MED9: variants seen among roughly 807,000 people sequenced by gnomAD.
The protein encoded by MED9 is mediator of RNA polymerase II transcription subunit 9.
Under a neutral mutation model 13.2 loss-of-function variants are expected in MED9, and 8 were observed. The ratio of observed to expected loss-of-function variants is 0.61; its 90% CI spans 0.36 to 1.10. MED9 has a LOEUF of 1.10. MED9 is among the 50% of genes least tolerant of loss of function. The pLI, the probability that MED9 is intolerant of heterozygous loss-of-function variation, is 0.02. For missense variants in MED9, 180 were observed against 193.4 expected (o/e 0.93, Z 0.41); for synonymous variants, 87 against 82.8 (o/e 1.05, Z -0.28).
At chr17:17,477,456 G>A in intron 1 of MED9, 191 bp downstream of exon 1, 2 of 598,196 alleles carry the variant, frequency 3.3e-6, no homozygotes, top group Non-Finnish European at 5.7e-6. Context: ...AACGATTTGA[G>A]CCTCGAGAGG....
intron 1 of MED9, among the ~76,000 whole-genome samples, chr17:17,484,193 C>T (rs1371668490): frequency 1.3e-5 from 2 of 152,186 alleles, no homozygotes; most frequent in Non-Finnish European, 2.9e-5. Flanking sequence ...TTGTTGCTGC[C>T]TTGCGTGATG....
At chr17:17,489,482 GT>G (rs1362569631) in intron 1 of MED9, among the ~76,000 whole-genome samples, 1 of 152,100 alleles carries the variant, frequency 6.6e-6, no homozygotes, top group African/African-American at 2.4e-5. Flanking sequence ...ATGTGAGTCG[GT>G]TTTTTTAAAA....
intron 1 of MED9, among the ~76,000 whole-genome samples, chr17:17,480,899 G>C (rs1433809808): frequency 6.6e-6 from 1 of 152,204 alleles, no homozygotes; most frequent in Non-Finnish European, 1.5e-5. Flanking sequence ...ACCTCGTGAA[G>C]CCTGGGGGAG....
At chr17:17,480,611 G>A (rs541045649) in intron 1 of MED9, among the ~76,000 whole-genome samples, 6 of 152,222 alleles carry the variant, frequency 3.9e-5, no homozygotes, top group East Asian at 3.9e-4. Flanking sequence ...AGCCATGATC[G>A]CACTGCTACA....
chr17:17,479,694 G>A (rs1341198533), intron 1 of MED9, among the ~76,000 whole-genome samples: 1 of 152,134 alleles, frequency 6.6e-6, no homozygotes, highest in Non-Finnish European at 1.5e-5. Context: ...CAGGCATGGT[G>A]GTGTGTGCCT....
At chr17:17,485,384 C>G in intron 1 of MED9, 1 of 398,518 alleles carries the variant, frequency 2.5e-6, no homozygotes, top group Non-Finnish European at 4.4e-6. Flanking sequence ...CGGCCGCCAT[C>G]TGGGATTTTT....
rs1011898159 is a variant in MED9 at position 17,492,429 on chromosome 17, G to A, written c.*934G>A. ...CAGCAACGTGTACTACACTGCAGAA[G>A]GGTTCAGTATGCACCTTGTGTTGAG... On this transcript the variant is annotated 3_prime_UTR_variant, in exon 2 of 2. Transcript: ENST00000268711. 2 of 152,144 alleles carry A rather than the reference G, an allele frequency of 1.3e-5. No homozygotes were observed. The highest frequency in any genetic ancestry group is 3.8e-4 in the East Asian group (2 of 5,208). 9.4% of individuals were successfully genotyped at this position (152,144 alleles called of 1,614,324 possible).
chr17:17,478,210 G>T (rs1259042337), intron 1 of MED9, among the ~76,000 whole-genome samples: 1 of 152,172 alleles, frequency 6.6e-6, no homozygotes, highest in African/African-American at 2.4e-5. Flanking sequence ...TGCCCAGGCT[G>T]TAAATTATTT....
At chr17:17,484,344 C>T (rs1905085970) in intron 1 of MED9, among the ~76,000 whole-genome samples, 1 of 152,244 alleles carries the variant, frequency 6.6e-6, no homozygotes, top group Non-Finnish European at 1.5e-5. Context: ...ACAGATGGGG[C>T]TCAAGTGATG....
At chr17:17,487,902 CA>C (rs1267179446) in intron 1 of MED9, 2 of 152,166 alleles carry the variant, frequency 1.3e-5, no homozygotes, top group African/African-American at 4.8e-5. Context: ...TCTGTCAGAA[CA>C]AATAAGAAAA....
intron 1 of MED9, among the ~76,000 whole-genome samples, chr17:17,478,828 G>T (rs1184571354): frequency 6.6e-6 from 1 of 151,090 alleles, no homozygotes; most frequent in East Asian, 1.9e-4. Flanking sequence ...TTGCACTCCA[G>T]CCTGGGCAAC....
intron 1 of MED9, 33 bp from the exon 2 acceptor site, chr17:17,491,246 C>T (rs1443994126): frequency 6.3e-7 from 1 of 1,583,214 alleles, no homozygotes; most frequent in African/African-American, 1.3e-5. Context: ...GTGTATCAAG[C>T]TGTGAATGCT....
intron 1 of MED9, among the ~76,000 whole-genome samples, chr17:17,489,681 G>A (rs1326840687): frequency 1.3e-5 from 2 of 152,158 alleles, no homozygotes; most frequent in African/African-American, 4.8e-5. Flanking sequence ...AGGATTTTTA[G>A]TTCTCATGAA....
At chr17:17,488,831 CAAAAAAAAAAAAGAA>C in intron 1 of MED9, among the ~76,000 whole-genome samples, 2 of 137,436 alleles carry the variant, frequency 1.5e-5, no homozygotes, top group African/African-American at 5.2e-5. Context: ...AACTCTGTCT[CAAAAAAAAAAAAGAA>C]AAAAAGAAAC....
intron 1 of MED9, chr17:17,485,463 G>A (rs1397464829): frequency 7.8e-6 from 3 of 387,062 alleles, no homozygotes; most frequent in Non-Finnish European, 1.4e-5. Context: ...TTCAGAAGAG[G>A]GGAGGACCTG....
At position 17,477,011 on chromosome 17, in the gene MED9, C is replaced by T. The variant is rs373822707; in HGVS notation, c.-31C>T. The T allele has an allele frequency of 1.2e-6, 2 of 1,601,718 alleles. No individual in the cohort carries two copies. The highest frequency in any genetic ancestry group is 1.1e-5 in the South Asian group (1 of 90,922). On this transcript the variant is annotated 5_prime_UTR_variant, in exon 1 of 2. Coordinates refer to ENST00000268711, the MANE Select transcript of MED9 (RefSeq NM_018019.3). ...GTAGAGTGCGCGACGCTTTTGGCGA[C>T]CCGACCTCTGGCTAACCTACCCCCG...
At chr17:17,477,542 A>G (rs1904946166) in intron 1 of MED9, 2 of 431,800 alleles carry the variant, frequency 4.6e-6, no homozygotes, top group Non-Finnish European at 8.2e-6. Context: ...TGTTCATCCC[A>G]GCGATCTTGA....
chr17:17,484,697 G>A (rs917855604), intron 1 of MED9, among the ~76,000 whole-genome samples: 3 of 152,258 alleles, frequency 2.0e-5, no homozygotes, highest in Admixed American at 6.5e-5. Context: ...CTCAGATGAG[G>A]TGTTTCCAGT....
chr17:17,481,905 T>G (rs1227640757), intron 1 of MED9, among the ~76,000 whole-genome samples: 2 of 152,206 alleles, frequency 1.3e-5, no homozygotes. Context: ...TTTCCAAAAT[T>G]CAGTCCTTGT....
Sources: gnomAD v4.1 joint callset for allele counts (sites outside exome capture counted in the v4.1 genomes callset) on GRCh38, gnomAD v4.1.1 for gene constraint, MANE v1.5 for transcripts, NCBI Gene and HGNC (gene_info 2026-07-23, HGNC 2026-07-21) for gene names.